Variants in LDLRAD4 observed in about 807,000 individuals in gnomAD.
LDLRAD4 encodes low density lipoprotein receptor class A domain containing 4, also known as low-density lipoprotein receptor class A domain-containing protein 4.
A neutral mutation model predicts 17.0 loss-of-function variants in LDLRAD4; 5 were observed. The observed-to-expected ratio is 0.29, with a 90% confidence interval of 0.15 to 0.62. The LOEUF (loss-of-function observed/expected upper bound fraction) is 0.62. LDLRAD4 is among the 20% of genes least tolerant of loss of function. LDLRAD4 has a pLI of 0.84. For missense variants in LDLRAD4, 340 were observed against 424.7 expected, an observed-to-expected ratio of 0.80 and a Z score of 1.75; for synonymous variants, 168 against 171.8, an observed-to-expected ratio of 0.98 and a Z score of 0.17.
intron 1 of LDLRAD4, among the ~76,000 whole-genome samples, chr18:13,297,887 T>C (rs1203671346): frequency 4.6e-5 from 7 of 152,236 alleles, no homozygotes; most frequent in African/African-American, 1.7e-4. Flanking sequence ...CTTTGATGGT[T>C]CAGGTGCTAA....
chr18:13,361,767 A>G (rs1363212147), intron 1 of LDLRAD4, among the ~76,000 whole-genome samples: 1 of 152,134 alleles, frequency 6.6e-6, no homozygotes, highest in East Asian at 1.9e-4. Context: ...CATGTTTTCC[A>G]TGAGGGGCCT....
At chr18:13,254,801 A>G (rs1490922411) in intron 1 of LDLRAD4, among the ~76,000 whole-genome samples, 1 of 152,164 alleles carries the variant, frequency 6.6e-6, no homozygotes, top group Non-Finnish European at 1.5e-5. Context: ...TTGTCTTTAC[A>G]AAAGCCCCCA....
At chr18:13,386,906 AG>A (rs2085855758) in intron 1 of LDLRAD4, among the ~76,000 whole-genome samples, 1 of 45,190 alleles carries the variant, frequency 2.2e-5, no homozygotes, top group Non-Finnish European at 6.6e-5. Flanking sequence ...ATAGATAGAT[AG>A]ATAGATAGAT....
chr18:13,627,958 C>G (rs2041321768), intron 4 of LDLRAD4, among the ~76,000 whole-genome samples: 2 of 152,314 alleles, frequency 1.3e-5, no homozygotes, highest in South Asian at 4.1e-4. Flanking sequence ...GAGTGCCTTT[C>G]TCTACCTGGG....
At chr18:13,566,626 G>T (rs2094605841) in intron 3 of LDLRAD4, among the ~76,000 whole-genome samples, 1 of 152,144 alleles carries the variant, frequency 6.6e-6, no homozygotes, top group African/African-American at 2.4e-5. Context: ...CTCCCAAAGC[G>T]GTGGGATTAC....
chr18:13,515,585 T>C (rs899983191), intron 3 of LDLRAD4: 1 of 152,356 alleles, frequency 6.6e-6, no homozygotes, highest in African/African-American at 2.4e-5. Context: ...TGCCAGCCTC[T>C]TGAAGGAATC....
Position 13,495,068 on chromosome 18 carries a change from G to GT in LDLRAD4, c.181+56685dup, listed in dbSNP as rs1196748990. Among the ~76,000 whole-genome samples, 12 of 152,244 alleles carry GT rather than the reference G, an allele frequency of 7.9e-5. No individual in the cohort carries two copies. The East Asian group carries it at 2.3e-3, about 29-fold the overall frequency. On this transcript the variant is annotated intron_variant, in intron 3 of 5. Transcript: ENST00000359446. ...ATTTCCAGTCTGCCAAGTTTTCACA[G>GT]TGAGTGAATCATTGTCTGAGAAAAT... is the stretch of plus-strand genomic sequence containing the variant.
At chr18:13,458,571 C>T (rs1378881145) in intron 3 of LDLRAD4, among the ~76,000 whole-genome samples, 1 of 152,184 alleles carries the variant, frequency 6.6e-6, no homozygotes, top group African/African-American at 2.4e-5. Context: ...ATGTGGTAGG[C>T]AGAATAATGC....
intron 1 of LDLRAD4, among the ~76,000 whole-genome samples, chr18:13,303,345 C>T (rs2046717609): frequency 6.6e-6 from 1 of 152,174 alleles, no homozygotes; most frequent in Non-Finnish European, 1.5e-5. Context: ...TCCTGGGTTC[C>T]AGCAATCTTT....
Position 13,645,513 on chromosome 18 carries a change from G to A in LDLRAD4, c.777G>A (p.Met259Ile), listed in dbSNP as rs942383508. 3 of 1,610,856 alleles carry A rather than the reference G, an allele frequency of 1.9e-6. No homozygotes were observed. Among genetic ancestry groups the A allele is most frequent in the Non-Finnish European group, 2.5e-6 (3 of 1,178,492 alleles). Residue 259 changes from methionine to isoleucine, a missense_variant, in exon 6 of 6, where the codon ATG (methionine) becomes ATA (isoleucine). Physicochemically the swap from Met to Ile is conservative, Grantham distance 10 (BLOSUM62 1). Transcript: ENST00000359446. The surrounding 1 kb of genome is among the most constrained non-coding windows in gnomAD (Gnocchi z 5.7). Reference sequence around the variant, plus strand: ...CACCCCCCACATACAGCGAGGTGATGGGCCACCACCCAGGCGCCTCTTTCC... The same window carrying A: ...CACCCCCCACATACAGCGAGGTGATAGGCCACCACCCAGGCGCCTCTTTCC...
chr18:13,312,907 T>C (rs1037920077), intron 1 of LDLRAD4, among the ~76,000 whole-genome samples: 1 of 152,228 alleles, frequency 6.6e-6, no homozygotes, highest in African/African-American at 2.4e-5. Context: ...ATATGTTCTC[T>C]GTGATGTTTT....
chr18:13,235,261 A>G (rs72879684), intron 1 of LDLRAD4: 70,271 of 151,886 alleles, frequency 0.46, 16,811 homozygotes, highest in African/African-American at 0.59. Context: ...CAAAAAAAAA[A>G]AAAATCATCA....
At chr18:13,306,525 C>T (rs565013283) in intron 1 of LDLRAD4, among the ~76,000 whole-genome samples, 91 of 152,300 alleles carry the variant, frequency 6.0e-4, no homozygotes, top group African/African-American at 2.1e-3. Context: ...TCATATCAGC[C>T]TCTAGATCAG....
intron 3 of LDLRAD4, among the ~76,000 whole-genome samples, chr18:13,548,857 A>G (rs1158722544): frequency 6.6e-6 from 1 of 152,250 alleles, no homozygotes; most frequent in Non-Finnish European, 1.5e-5. Flanking sequence ...GGCAGCGGCC[A>G]TTCTAGACAG....
intron 3 of LDLRAD4, chr18:13,564,863 C>T (rs1290175913): frequency 1.3e-5 from 2 of 152,228 alleles, no homozygotes; most frequent in Non-Finnish European, 2.9e-5. Context: ...GAATCTCCTG[C>T]CTTCTCTGAA....
chr18:13,294,483 G>A (rs575982377), intron 1 of LDLRAD4, among the ~76,000 whole-genome samples: 7 of 152,344 alleles, frequency 4.6e-5, no homozygotes, highest in Middle Eastern at 3.4e-3. Context: ...AGTGAGTTAC[G>A]TCTTTTCTTT....
intron 1 of LDLRAD4, among the ~76,000 whole-genome samples, chr18:13,238,231 T>A (rs2042431771): frequency 6.6e-6 from 1 of 152,208 alleles, no homozygotes. Context: ...TTTTCCAGTA[T>A]TGGAACTGGA....
intron 3 of LDLRAD4, among the ~76,000 whole-genome samples, chr18:13,534,545 C>A (rs1328275851): frequency 2.0e-5 from 3 of 150,720 alleles, no homozygotes; most frequent in Non-Finnish European, 1.5e-5. Context: ...GACCCTGTTG[C>A]TAAAAAGAAA....
At chr18:13,254,980 A>T (rs1567937642) in intron 1 of LDLRAD4, among the ~76,000 whole-genome samples, 1 of 152,232 alleles carries the variant, frequency 6.6e-6, no homozygotes, top group Non-Finnish European at 1.5e-5. Context: ...AGTTAAATAA[A>T]AGAAAAACCC....
Sources: gnomAD v4.1 joint callset for allele counts (sites outside exome capture counted in the v4.1 genomes callset) on GRCh38, gnomAD v4.1.1 for gene constraint, Gnocchi (gnomAD v3.1) non-coding constraint, MANE v1.5 for transcripts, NCBI Gene and HGNC (gene_info 2026-07-23, HGNC 2026-07-21) for gene names.